The following SNTB1 variants were observed in gnomAD, a reference collection of about 807,000 sequenced individuals.
The protein encoded by SNTB1 is syntrophin beta 1.
In SNTB1, 36 loss-of-function variants were observed where a neutral mutation model predicts 48.9. The ratio of observed to expected loss-of-function variants is 0.74; its 90% CI spans 0.56 to 0.97. The LOEUF (loss-of-function observed/expected upper bound fraction) is 0.97. SNTB1 is among the 50% of genes least tolerant of loss of function. The pLI is 0.00. For missense variants in SNTB1, 786 were observed against 703.4 expected (o/e 1.12, Z -1.33); for synonymous variants, 299 against 294.6 (o/e 1.01, Z -0.15).
At chr8:120,723,104 C>T (rs931612365) in intron 1 of SNTB1, among the ~76,000 whole-genome samples, 1 of 152,158 alleles carries the variant, frequency 6.6e-6, no homozygotes, top group Admixed American at 6.5e-5. Flanking sequence ...GTCCTCTGTT[C>T]TGTTCCAATG....
intron 5 of SNTB1, 88 bp from the exon 6 acceptor site, chr8:120,542,088 T>C (rs1348142487): frequency 5.6e-6 from 5 of 893,920 alleles, no homozygotes; most frequent in Admixed American, 2.6e-5. Flanking sequence ...GCCTCCTCAG[T>C]CCCAGCGATC....
chr8:120,712,414 C>CAAAA (rs370583854), intron 1 of SNTB1, among the ~76,000 whole-genome samples: 7 of 81,308 alleles, frequency 8.6e-5, no homozygotes, highest in Admixed American at 2.4e-4. Context: ...GACTCCATCT[C>CAAAA]AAAAAAAAAA....
chr8:120,615,339 T>C (rs907558714), intron 3 of SNTB1, among the ~76,000 whole-genome samples: 15 of 152,128 alleles, frequency 9.9e-5, no homozygotes, highest in Non-Finnish European at 5.9e-5. Flanking sequence ...TCCAACAATA[T>C]GTCTGATCTT....
chr8:120,693,861 C>T lies in SNTB1; in HGVS notation c.619G>A (p.Val207Ile). Residue 207 changes from valine (V) to isoleucine (I), a missense_variant, in exon 2 of 7, where the codon GTA (valine) becomes ATA (isoleucine). Val to Ile is a conservative substitution (Grantham distance 29). Transcript: ENST00000517992. Reference protein sequence around the residue: ...ATPYVKKGSPVSEIGWETPPP... With the variant: ...ATPYVKKGSPISEIGWETPPP... ...GGTGTTTCCCACCCAATCTCGGATA[C>T]TGGGGATCCTTTCTTCACATAGGGC... The T allele has an allele frequency of 1.2e-6, 2 of 1,614,144 alleles. No homozygotes were observed. The highest frequency in any genetic ancestry group is 2.2e-5 in the East Asian group (1 of 44,880).
rs574454213 is a variant in SNTB1, at chr8:120,722,574, C to T, written c.572-28666G>A. On this transcript the variant is annotated intron_variant, in intron 1 of 6. Transcript: ENST00000517992. Reference sequence around the variant, plus strand: ...GAGAAGTGTCTGTTCATATCCGTTGCTCACTTTTTGATGGGGTTGTTTTTT... The same window carrying T: ...GAGAAGTGTCTGTTCATATCCGTTGTTCACTTTTTGATGGGGTTGTTTTTT... Among the ~76,000 whole-genome samples, 213 of 152,064 alleles carry T rather than the reference C, an allele frequency of 1.4e-3. 1 individual carries two copies. The highest frequency in any genetic ancestry group is 4.6e-3 in the African/African-American group (190 of 41,362).
chr8:120,598,132 C>A (rs1454392476), intron 3 of SNTB1, among the ~76,000 whole-genome samples: 1 of 144,062 alleles, frequency 6.9e-6, no homozygotes, highest in Non-Finnish European at 1.5e-5. Flanking sequence ...CCACTTCTGG[C>A]TCTCACACAT....
chr8:120,714,126 G>A (rs1483985671), intron 1 of SNTB1, among the ~76,000 whole-genome samples: 2 of 152,194 alleles, frequency 1.3e-5, no homozygotes, highest in African/African-American at 4.8e-5. Context: ...GTCAAGCTGA[G>A]TTGGATTTAG....
At chr8:120,681,606 T>A (rs1038467990) in intron 2 of SNTB1, among the ~76,000 whole-genome samples, 2 of 149,354 alleles carry the variant, frequency 1.3e-5, no homozygotes, top group African/African-American at 5.2e-5. Context: ...TCCCACTATC[T>A]ACCCCCAATC....
chr8:120,606,610 C>A (rs556227300), intron 3 of SNTB1, among the ~76,000 whole-genome samples: 1 of 152,164 alleles, frequency 6.6e-6, no homozygotes, highest in East Asian at 1.9e-4. Flanking sequence ...CCCGCAGGTA[C>A]AATTGAAGGT....
intron 1 of SNTB1, among the ~76,000 whole-genome samples, chr8:120,735,160 C>G (rs1466511853): frequency 6.6e-6 from 1 of 152,124 alleles, no homozygotes; most frequent in African/African-American, 2.4e-5. Flanking sequence ...AACCCGAGGT[C>G]AATGCCACAA....
chr8:120,808,898 T>A (rs887665435), intron 1 of SNTB1, among the ~76,000 whole-genome samples: 1 of 152,252 alleles, frequency 6.6e-6, no homozygotes, highest in South Asian at 2.1e-4. Context: ...AATCTAGGTT[T>A]TTTTAAAAAA....
chr8:120,578,251 AG>A (rs915869666), intron 3 of SNTB1, among the ~76,000 whole-genome samples: 10 of 151,170 alleles, frequency 6.6e-5, no homozygotes, highest in African/African-American at 2.2e-4. Flanking sequence ...TGTGTTAGCC[AG>A]GATGGTCTCG....
intron 1 of SNTB1, among the ~76,000 whole-genome samples, chr8:120,792,271 G>C (rs1820048271): frequency 7.2e-6 from 1 of 139,594 alleles, no homozygotes; most frequent in Admixed American, 8.4e-5. Context: ...AATACTGTAT[G>C]TTCTCATAAG....
chr8:120,799,245 C>A (rs556384084), intron 1 of SNTB1, among the ~76,000 whole-genome samples: 36 of 152,060 alleles, frequency 2.4e-4, no homozygotes, highest in African/African-American at 8.2e-4. Flanking sequence ...GCACTTAGAT[C>A]CTCATTTCAG....
intron 4 of SNTB1, among the ~76,000 whole-genome samples, chr8:120,568,361 CA>C (rs1461011084): frequency 6.6e-6 from 1 of 152,170 alleles, no homozygotes; most frequent in Non-Finnish European, 1.5e-5. Flanking sequence ...AGGCAGGGGA[CA>C]TTTTTTTCCC....
chr8:120,691,772 G>A (rs1365693920), intron 2 of SNTB1, among the ~76,000 whole-genome samples: 1 of 151,902 alleles, frequency 6.6e-6, no homozygotes, highest in African/African-American at 2.4e-5. Context: ...CTGTAGGCTG[G>A]GTATACCATA....
intron 3 of SNTB1, among the ~76,000 whole-genome samples, chr8:120,576,093 G>T (rs1815946363): frequency 6.6e-6 from 1 of 152,160 alleles, no homozygotes; most frequent in Admixed American, 6.5e-5. Context: ...TATGGACTAT[G>T]TTCCAGTAGC....
intron 4 of SNTB1, among the ~76,000 whole-genome samples, chr8:120,569,359 T>C (rs1420020557): frequency 3.9e-5 from 6 of 152,248 alleles, no homozygotes; most frequent in African/African-American, 1.2e-4. Flanking sequence ...TGCAGGCTTA[T>C]GGGTTTAGGC....
chr8:120,753,412 C>CA (rs1819255829), intron 1 of SNTB1, among the ~76,000 whole-genome samples: 1 of 152,164 alleles, frequency 6.6e-6, no homozygotes, highest in Non-Finnish European at 1.5e-5. Flanking sequence ...ACTCCACCAA[C>CA]AAAATCCAAT....
Sources: gnomAD v4.1 joint callset for allele counts (sites outside exome capture counted in the v4.1 genomes callset) on GRCh38, gnomAD v4.1.1 for gene constraint, MANE v1.5 for transcripts, NCBI Gene and HGNC (gene_info 2026-07-23, HGNC 2026-07-21) for gene names.